The following ATP13A4 variants were observed in gnomAD, a reference collection of about 807,000 sequenced individuals.
ATP13A4 encodes the protein probable cation-transporting ATPase 13A4.
ATP13A4 carries 114 observed loss-of-function variants against 142.5 expected under a neutral mutation model. That is an observed-to-expected ratio of 0.80 (90% CI 0.69 to 0.93). The LOEUF (loss-of-function observed/expected upper bound fraction) is 0.93. ATP13A4 is among the 40% of genes least tolerant of loss of function. The pLI is 0.00. For missense variants in ATP13A4, 1,392 were observed against 1,454.0 expected, an observed-to-expected ratio of 0.96 and a Z score of 0.69; for synonymous variants, 488 against 514.8, an observed-to-expected ratio of 0.95 and a Z score of 0.70.
At chr3:193,413,847 T>G (rs1714906542) in intron 26 of ATP13A4, among the ~76,000 whole-genome samples, 1 of 152,226 alleles carries the variant, frequency 6.6e-6, no homozygotes, top group Non-Finnish European at 1.5e-5. Flanking sequence ...GCTTTTGATT[T>G]CACCCTTTGC....
At chr3:193,553,144 C>T (rs1723681286) in intron 1 of ATP13A4, 2 of 152,140 alleles carry the variant, frequency 1.3e-5, no homozygotes, top group African/African-American at 2.4e-5. Context: ...ACACAGTGTC[C>T]CTTTCCATAT....
intron 1 of ATP13A4, among the ~76,000 whole-genome samples, chr3:193,537,455 A>G (rs751568121): frequency 1.3e-5 from 2 of 152,228 alleles, no homozygotes; most frequent in Non-Finnish European, 2.9e-5. Context: ...ACATTTAAAT[A>G]TAAAACATAA....
intron 6 of ATP13A4, among the ~76,000 whole-genome samples, chr3:193,490,805 C>T (rs754240122): frequency 2.0e-5 from 3 of 152,046 alleles, no homozygotes; most frequent in Non-Finnish European, 4.4e-5. Context: ...ACAGGGAAGC[C>T]AGAGGACAGC....
intron 25 of ATP13A4, among the ~76,000 whole-genome samples, chr3:193,433,542 T>C (rs1159087320): frequency 6.6e-6 from 1 of 152,202 alleles, no homozygotes; most frequent in Non-Finnish European, 1.5e-5. Flanking sequence ...AAAAGCACTC[T>C]GAAGTTAGTG....
At chr3:193,464,883 T>C (rs1718171183) in intron 12 of ATP13A4, 57 bp downstream of exon 12, 1 of 1,568,482 alleles carries the variant, frequency 6.4e-7, no homozygotes, top group Non-Finnish European at 8.8e-7. Context: ...AAAGTAGATA[T>C]ACATGATGAC....
At chr3:193,496,544 A>G (rs1301565202) in intron 3 of ATP13A4, among the ~76,000 whole-genome samples, 1 of 152,156 alleles carries the variant, frequency 6.6e-6, no homozygotes, top group African/African-American at 2.4e-5. Flanking sequence ...TAATCCCAGC[A>G]CTTTGGGACA....
chr3:193,472,297 C>G (rs1576998859), intron 8 of ATP13A4, among the ~76,000 whole-genome samples: 1 of 152,198 alleles, frequency 6.6e-6, no homozygotes, highest in Non-Finnish European at 1.5e-5. Flanking sequence ...CTCCATCCCA[C>G]CTGGAACAGA....
intron 2 of ATP13A4, among the ~76,000 whole-genome samples, chr3:193,503,048 A>G (rs544966333): frequency 4.1e-4 from 62 of 152,080 alleles, no homozygotes; most frequent in African/African-American, 1.4e-3. Context: ...AGGGGGGGGA[A>G]CTATCACTTT....
In ATP13A4 at chr3:193,410,038, T is replaced by G. The variant is rs150212138; in HGVS notation, c.3297+944A>C. Among the ~76,000 whole-genome samples, 444 of 152,356 alleles carry G rather than the reference T, an allele frequency of 2.9e-3. 4 individuals are homozygous for G. The highest frequency in any genetic ancestry group is 0.01 in the African/African-American group (429 of 41,576). The stretch of plus-strand genomic sequence containing the variant: ...ATCTCTTCAATATTGCATTTCTTGA[T>G]CTAAAGATCATTTAGCCGTGATTAA... On this transcript the variant is annotated intron_variant, in intron 28 of 29. Transcript: ENST00000342695.
At chr3:193,555,794 T>G (rs549384654), upstream of ATP13A4, among the ~76,000 whole-genome samples, 1 of 152,260 alleles carries the variant, frequency 6.6e-6, no homozygotes, top group African/African-American at 2.4e-5. Flanking sequence ...CCCAATGTGG[T>G]GTAGAGAAAC....
At chr3:193,573,292 C>CATATATATATATTCATATATAT (rs1724319091) in intron 2 of ATP13A4, among the ~76,000 whole-genome samples, 3 of 107,860 alleles carry the variant, frequency 2.8e-5, no homozygotes, top group Admixed American at 9.0e-5. Flanking sequence ...TATATATACA[C>CATATATATATATTCATATATAT]ATATATATAT....
rs1714810359 is a variant in ATP13A4, at chr3:193,412,304, C to T, written c.3082G>A (p.Glu1028Lys). 1.2e-6 allele frequency: 2 copies of T among 1,614,082 alleles called. No individual in the cohort carries two copies. The highest frequency in any genetic ancestry group is 1.7e-6 in the Non-Finnish European group (2 of 1,179,958). ...AAACTTGTGAAGGTGCTATTACTTT[C>T]CATTTTTTCTGGAGCAGTTGGAGAC... Reference protein sequence around the residue: ...TMSPTAPEKMESNSTFTSFEN... With the variant: ...TMSPTAPEKMKSNSTFTSFEN... Residue 1028 changes from glutamate to lysine, a missense_variant, in exon 27 of 30, where the codon GAA (glutamate) becomes AAA (lysine). Glu to Lys is a moderately conservative substitution (Grantham distance 56). Transcript: ENST00000342695.
chr3:193,544,562 A>T, intron 1 of ATP13A4, among the ~76,000 whole-genome samples: 1 of 152,224 alleles, frequency 6.6e-6, no homozygotes, highest in Non-Finnish European at 1.5e-5. Flanking sequence ...GAGCACAAAG[A>T]GAGACCACTT....
intron 18 of ATP13A4, among the ~76,000 whole-genome samples, chr3:193,447,716 T>C (rs1220650929): frequency 1.3e-5 from 2 of 152,160 alleles, no homozygotes; most frequent in African/African-American, 4.8e-5. Context: ...TGATTTGGAG[T>C]TGGGATTGGG....
chr3:193,431,011 A>AG (rs907401036), intron 25 of ATP13A4, among the ~76,000 whole-genome samples: 1 of 151,870 alleles, frequency 6.6e-6, no homozygotes, highest in African/African-American at 2.4e-5. Context: ...TTGAAAATGG[A>AG]GGGGGGGAAT....
intron 2 of ATP13A4, among the ~76,000 whole-genome samples, chr3:193,575,966 G>C (rs570914632): frequency 1.2e-4 from 19 of 152,248 alleles, no homozygotes; most frequent in African/African-American, 4.3e-4. Flanking sequence ...TGACTGGGAC[G>C]GGGACTGGGA....
intron 1 of ATP13A4, among the ~76,000 whole-genome samples, chr3:193,582,322 T>A (rs1020152940): frequency 1.3e-5 from 2 of 149,470 alleles, no homozygotes; most frequent in African/African-American, 4.9e-5. Flanking sequence ...CTAATTTTTT[T>A]ATTTTTAGTA....
intron 1 of ATP13A4, among the ~76,000 whole-genome samples, chr3:193,518,310 G>A (rs1297158866): frequency 4.6e-5 from 7 of 152,282 alleles, no homozygotes; most frequent in Admixed American, 1.3e-4. Flanking sequence ...ACATCAATAT[G>A]GATGACTCTT....
At chr3:193,435,862 C>T (rs1177570072) in intron 23 of ATP13A4, 118 bp from the exon 24 acceptor site, 11 of 897,956 alleles carry the variant, frequency 1.2e-5, no homozygotes, top group Non-Finnish European at 2.0e-5. Context: ...ATACGACTGT[C>T]TGTCTGAAAA....
Sources: allele counts gnomAD v4.1 joint callset (sites outside exome capture counted in the v4.1 genomes callset), GRCh38; gene constraint gnomAD v4.1.1; transcripts MANE v1.5; gene names NCBI Gene and HGNC (gene_info 2026-07-23, HGNC 2026-07-21).